Variants in LINC00237 observed in about 807,000 individuals in gnomAD.
LINC00237 encodes long independently transcribed non-coding RNA 237, also known as long intergenic non-protein coding RNA 237.
At chr20:21,100,956 G>A (rs1012137840) in intron 1 of LINC00237, among the ~76,000 whole-genome samples, 1 of 152,116 alleles carries the variant, frequency 6.6e-6, no homozygotes, top group African/African-American at 2.4e-5. Context: ...ACGACGCGCC[G>A]CCTTTCAGCT....
intron 3 of LINC00237, chr20:21,087,547 G>C (rs1488279467): frequency 2.0e-5 from 3 of 152,140 alleles, no homozygotes; most frequent in Non-Finnish European, 1.5e-5. Flanking sequence ...CTCAATGGTA[G>C]CTTATGAAAG....
rs2030927412 is a variant in LINC00237, at chr20:21,101,232, G to T, written n.88+5039C>A. Among the ~76,000 whole-genome samples, 1 of 152,222 alleles carries T rather than the reference G, an allele frequency of 6.6e-6. No individual in the cohort carries two copies. Among genetic ancestry groups the T allele is most frequent in the Admixed American group, 6.5e-5 (1 of 15,288 alleles). On this transcript the variant is annotated intron_variant and non_coding_transcript_variant, in intron 1 of 3. Transcript: ENST00000691244. The surrounding 1 kb of genome is among the most constrained non-coding windows in gnomAD (Gnocchi z 4.3). ...GGAATCCGACAGGGGAACAAAACGC[G>T]CTGGTAAACGCGGCGACGTACAGGG...
intron 2 of LINC00237, among the ~76,000 whole-genome samples, chr20:21,090,960 T>C (rs2030784099): frequency 6.6e-6 from 1 of 152,142 alleles, no homozygotes; most frequent in African/African-American, 2.4e-5. Flanking sequence ...CCGGGTCTTC[T>C]CCTGGCATCA....
rs1040604288 is a variant in LINC00237 at position 21,094,966 on chromosome 20, G to A, written n.89-1114C>T. On this transcript the variant is annotated intron_variant and non_coding_transcript_variant, in intron 1 of 3. Coordinates refer to ENST00000691244, the Ensembl canonical transcript of LINC00237. ...CTCAGGAGGCTGAGGCAGGAGCATC[G>A]CTTGAACCCAGGAGGTGAGGTTGCA... Among the ~76,000 whole-genome samples, 8 of 152,216 alleles carry A rather than the reference G, an allele frequency of 5.3e-5. No homozygotes were observed. In the East Asian group the frequency reaches 7.7e-4, roughly 15 times the overall value.
At chr20:21,089,980 C>CA (rs1368712198) in intron 2 of LINC00237, 3 of 152,304 alleles carry the variant, frequency 2.0e-5, no homozygotes, top group Admixed American at 6.5e-5. Context: ...AATAATCAGT[C>CA]AAAGTGCAGC....
Position 21,086,285 on chromosome 20 carries a change from G to C in LINC00237, n.560-397C>G, listed in dbSNP as rs8117704. On this transcript the variant is annotated intron_variant and non_coding_transcript_variant, in intron 3 of 3. Coordinates refer to ENST00000691244, the Ensembl canonical transcript of LINC00237. ...AAACATGAGAGATCTATAGAGAACT[G>C]CCTCTCAACAATATTGCAATCAAAA... 5.4e-3 allele frequency among the ~76,000 whole-genome samples: 820 copies of C among 152,070 alleles called. 9 individuals carry two copies. The highest frequency in any genetic ancestry group is 0.019 in the African/African-American group (778 of 41,490).
At chr20:21,105,388 C>T (rs2030985986) in intron 1 of LINC00237, among the ~76,000 whole-genome samples, 1 of 151,780 alleles carries the variant, frequency 6.6e-6, no homozygotes, top group South Asian at 2.1e-4. Context: ...TTCGACAGAG[C>T]CATGGAATAA....
intron 1 of LINC00237, among the ~76,000 whole-genome samples, chr20:21,095,691 C>G (rs1308670491): frequency 1.3e-5 from 2 of 152,174 alleles, no homozygotes; most frequent in East Asian, 3.8e-4. Flanking sequence ...ATCTTTAAGG[C>G]AGTCCATGTG....
intron 3 of LINC00237, among the ~76,000 whole-genome samples, chr20:21,086,939 A>G (rs987987157): frequency 2.1e-5 from 3 of 140,128 alleles, no homozygotes; most frequent in African/African-American, 7.8e-5. Context: ...TATGTACTAT[A>G]TATAGTATAT....
chr20:21,094,623 C>T (rs2030832384), intron 1 of LINC00237, among the ~76,000 whole-genome samples: 1 of 152,162 alleles, frequency 6.6e-6, no homozygotes, highest in African/African-American at 2.4e-5. Context: ...CTCAGTTTTT[C>T]CCATTCCATG....
chr20:21,106,257 CCAGA>C (rs1156575150), intron 1 of LINC00237: 2 of 153,160 alleles, frequency 1.3e-5, no homozygotes, highest in Non-Finnish European at 2.9e-5. Flanking sequence ...CCTCCCCTCT[CCAGA>C]CCCACTGACC....
In LINC00237 at chr20:21,100,283, C is replaced by A. The variant is rs114902237; in HGVS notation, n.88+5988G>T. Among the ~76,000 whole-genome samples the A allele has an allele frequency of 9.8e-3, 1,492 of 152,322 alleles. 23 individuals are homozygous for A. The highest frequency in any genetic ancestry group is 0.034 in the African/African-American group (1,422 of 41,546). The stretch of plus-strand genomic sequence containing the variant: ...GGAGGAATCTGTTGGTTTGACTGTA[C>A]ACCTGCGGGCGGCGGCAAAATACAG... On this transcript the variant is annotated intron_variant and non_coding_transcript_variant, in intron 1 of 3. Transcript: ENST00000691244.
chr20:21,097,524 C>T (rs555707079), intron 1 of LINC00237, among the ~76,000 whole-genome samples: 2 of 152,210 alleles, frequency 1.3e-5, no homozygotes, highest in South Asian at 4.2e-4. Flanking sequence ...CGTTATTCTG[C>T]CTTAACCATT....
At chr20:21,086,999 A>G (rs917227015) in intron 3 of LINC00237, among the ~76,000 whole-genome samples, 3 of 144,078 alleles carry the variant, frequency 2.1e-5, no homozygotes, top group Non-Finnish European at 4.5e-5. Flanking sequence ...GTACATATAT[A>G]GTACATATAT....
At chr20:21,105,095 C>A (rs553821670) in intron 1 of LINC00237, among the ~76,000 whole-genome samples, 1 of 152,192 alleles carries the variant, frequency 6.6e-6, no homozygotes, top group Non-Finnish European at 1.5e-5. Context: ...GCCGTTCTGG[C>A]GCTCTGCAGG....
intron 2 of LINC00237, among the ~76,000 whole-genome samples, chr20:21,091,230 C>T (rs1341990586): frequency 1.3e-5 from 2 of 152,104 alleles, no homozygotes; most frequent in Non-Finnish European, 1.5e-5. Flanking sequence ...ACACAATTTG[C>T]AATCAGTATG....
chr20:21,089,968 A>G (rs1226208528), intron 2 of LINC00237: 4 of 152,246 alleles, frequency 2.6e-5, no homozygotes, highest in Non-Finnish European at 5.9e-5. Context: ...CAGCAATACA[A>G]AAATAATCAG....
intron 2 of LINC00237, among the ~76,000 whole-genome samples, chr20:21,091,046 C>CGTGTGTGTGTGTGCGTGT (rs2030785553): frequency 6.7e-6 from 1 of 150,152 alleles, no homozygotes; most frequent in Non-Finnish European, 1.5e-5. Context: ...TGTAAATGTG[C>CGTGTGTGTGTGTGCGTGT]GTGTGTGTGT....
rs989051416 is a variant in LINC00237, at chr20:21,101,966, T to C, written n.88+4305A>G. 1.6e-4 allele frequency among the ~76,000 whole-genome samples: 24 copies of C among 152,344 alleles called. No individual in the cohort carries two copies. The highest frequency in any genetic ancestry group is 3.4e-3 in the Middle Eastern group (1 of 294). ...AGCTCCGGGCTCTCCACGGACTCGA[T>C]TGGACAGCCCCAGGCCGGCTTTGGA... On this transcript the variant is annotated intron_variant and non_coding_transcript_variant, in intron 1 of 3. Coordinates refer to ENST00000691244, the Ensembl canonical transcript of LINC00237. The surrounding 1 kb of genome is among the most constrained non-coding windows in gnomAD (Gnocchi z 4.3).
Sources: allele counts gnomAD v4.1 joint callset (sites outside exome capture counted in the v4.1 genomes callset), GRCh38; gene constraint gnomAD v4.1.1; non-coding constraint Gnocchi (gnomAD v3.1); transcripts MANE v1.5; gene names NCBI Gene and HGNC (gene_info 2026-07-23, HGNC 2026-07-21).